The following SNX7 variants were observed in gnomAD, a reference collection of about 807,000 sequenced individuals.
SNX7 encodes the protein sorting nexin-7.
A neutral mutation model predicts 48.4 loss-of-function variants in SNX7; 35 were observed. The observed-to-expected ratio is 0.72, with a 90% CI of 0.55 to 0.96. SNX7 has a LOEUF of 0.96. SNX7 is among the 40% of genes least tolerant of loss of function. The probability of loss-of-function intolerance (pLI) is 0.00; values close to 1 mark genes in which losing one functional copy is unlikely to be tolerated. For synonymous variants in SNX7, 190 were observed against 190.2 expected, an observed-to-expected ratio of 1.00 and a Z score of 0.01; for missense variants, 553 against 548.9, an observed-to-expected ratio of 1.01 and a Z score of -0.07.
intron 4 of SNX7, 87 bp downstream of exon 4, chr1:98,691,786 A>G: frequency 8.9e-7 from 1 of 1,118,200 alleles, no homozygotes; most frequent in Non-Finnish European, 1.2e-6. Context: ...ACCGTTACAA[A>G]TCATGCAGTG....
chr1:98,752,845 A>G (rs1270956084), intron 8 of SNX7, among the ~76,000 whole-genome samples: 1 of 152,056 alleles, frequency 6.6e-6, no homozygotes, highest in Non-Finnish European at 1.5e-5. Flanking sequence ...ACTCTTTCCT[A>G]AAATGTGATC....
At chr1:98,710,553 G>T (rs1006886650) in intron 7 of SNX7, among the ~76,000 whole-genome samples, 10 of 152,118 alleles carry the variant, frequency 6.6e-5, no homozygotes, top group Non-Finnish European at 1.2e-4. Flanking sequence ...TCTACTTACG[G>T]TGTCCTTTGG....
intron 7 of SNX7, among the ~76,000 whole-genome samples, chr1:98,706,190 A>G (rs1651995486): frequency 6.6e-6 from 1 of 152,190 alleles, no homozygotes; most frequent in Non-Finnish European, 1.5e-5. Flanking sequence ...GTGGGTTAAA[A>G]AAAGAGTAAA....
intron 5 of SNX7, among the ~76,000 whole-genome samples, chr1:98,697,808 C>T (rs1224928265): frequency 6.6e-6 from 1 of 152,014 alleles, no homozygotes; most frequent in Admixed American, 6.6e-5. Flanking sequence ...GCCAAAGCAT[C>T]TATGAATCCT....
intron 6 of SNX7, among the ~76,000 whole-genome samples, 158 bp from the exon 7 acceptor site, chr1:98,701,659 C>CAA (rs5776431): frequency 2.1e-5 from 3 of 143,670 alleles, no homozygotes; most frequent in East Asian, 2.0e-4. Flanking sequence ...TAGAGAGTAA[C>CAA]AAAAAAAAAA....
chr1:98,676,918 AT>A (rs1021940907), intron 1 of SNX7, among the ~76,000 whole-genome samples: 6 of 150,002 alleles, frequency 4.0e-5, no homozygotes, highest in Admixed American at 2.0e-4. Context: ...CTCCTTTATG[AT>A]TTTTTTTTTA....
Position 98,672,180 on chromosome 1 carries a change from T to G in SNX7, c.180+10269T>G, listed in dbSNP as rs80154059. Reference sequence around the variant, plus strand: ...CTTGCTTACAATTAAGTTTTCTTTCTTGCTCGTTTATCTGTCAGCTGTGGC... The same window carrying G: ...CTTGCTTACAATTAAGTTTTCTTTCGTGCTCGTTTATCTGTCAGCTGTGGC... On this transcript the variant is annotated intron_variant, in intron 1 of 8. Transcript: ENST00000306121. 7.5e-3 allele frequency among the ~76,000 whole-genome samples: 1,141 copies of G among 152,226 alleles called. 29 individuals are homozygous for G. The highest frequency in any genetic ancestry group is 0.051 in the East Asian group (263 of 5,158).
intron 3 of SNX7, 48 bp from the exon 4 acceptor site, chr1:98,691,487 C>A: frequency 6.8e-7 from 1 of 1,467,778 alleles, no homozygotes; most frequent in Non-Finnish European, 9.1e-7. Flanking sequence ...TGCTTATAAA[C>A]CTATGGCTAA....
At chr1:98,665,362 G>A (rs778533995) in intron 1 of SNX7, among the ~76,000 whole-genome samples, 12 of 152,176 alleles carry the variant, frequency 7.9e-5, no homozygotes, top group South Asian at 2.1e-4. Flanking sequence ...AGTTCTGGAA[G>A]GTAGCGAACA....
In SNX7 at chr1:98,701,842, T is replaced by A; in HGVS notation, c.1064T>A (p.Ile355Lys). The change falls in exon 7 of 9, where the codon ATA (isoleucine) becomes AAA (lysine). Residue 355 changes from isoleucine (I) to lysine (K), a missense_variant. Ile to Lys is a moderately radical substitution (Grantham distance 102). Coordinates refer to ENST00000306121, the MANE Select transcript of SNX7 (RefSeq NM_015976.5). ...LMGVMKRRDQ[I>K]QAELDSKVEV... ...GGTGTTATGAAAAGAAGAGACCAAA[T>A]ACAAGCAGAACTGGATTCCAAAGTT... The A allele has an allele frequency of 6.2e-7, 1 of 1,611,028 alleles. No homozygotes were observed. The highest frequency in any genetic ancestry group is 8.5e-7 in the Non-Finnish European group (1 of 1,178,410).
chr1:98,716,809 A>C (rs1381125756), intron 7 of SNX7, among the ~76,000 whole-genome samples: 1 of 152,152 alleles, frequency 6.6e-6, no homozygotes, highest in East Asian at 1.9e-4. Context: ...CAAAGCAAAA[A>C]GGAATAAAAG....
At chr1:98,692,830 A>G (rs1381543647) in intron 4 of SNX7, among the ~76,000 whole-genome samples, 1 of 152,196 alleles carries the variant, frequency 6.6e-6, no homozygotes, top group East Asian at 1.9e-4. Flanking sequence ...AAGTCAAAAT[A>G]TGTGCATACG....
intron 1 of SNX7, among the ~76,000 whole-genome samples, chr1:98,680,711 A>G (rs1259817582): frequency 6.6e-6 from 1 of 152,182 alleles, no homozygotes; most frequent in Non-Finnish European, 1.5e-5. Flanking sequence ...TCTCTTTGCT[A>G]AAACATAGCA....
intron 8 of SNX7, among the ~76,000 whole-genome samples, chr1:98,756,166 G>A (rs946951717): frequency 2.0e-5 from 3 of 151,822 alleles, no homozygotes. Flanking sequence ...CCTTCAGGTA[G>A]TATTATACTT....
intron 7 of SNX7, among the ~76,000 whole-genome samples, chr1:98,715,640 A>G (rs949866576): frequency 2.0e-5 from 3 of 152,178 alleles, no homozygotes; most frequent in Non-Finnish European, 4.4e-5. Flanking sequence ...GAGTGGGACC[A>G]TCTTCAAGCT....
At chr1:98,748,206 A>T (rs1243367065) in intron 8 of SNX7, among the ~76,000 whole-genome samples, 1 of 151,880 alleles carries the variant, frequency 6.6e-6, no homozygotes, top group Non-Finnish European at 1.5e-5. Context: ...GGCTGGTCTC[A>T]AACTCCTGAC....
chr1:98,745,623 A>G (rs937164301), intron 8 of SNX7, among the ~76,000 whole-genome samples: 3 of 152,104 alleles, frequency 2.0e-5, no homozygotes, highest in African/African-American at 7.2e-5. Flanking sequence ...CAAACACACC[A>G]GCTTGAGAGG....
At chr1:98,697,878 G>C (rs1489856557) in intron 5 of SNX7, among the ~76,000 whole-genome samples, 1 of 152,114 alleles carries the variant, frequency 6.6e-6, no homozygotes, top group Non-Finnish European at 1.5e-5. Flanking sequence ...GAAGTAGTTT[G>C]TCAGGTGATA....
intron 1 of SNX7, chr1:98,662,168 AGT>A: frequency 2.9e-6 from 1 of 346,264 alleles, no homozygotes; most frequent in Non-Finnish European, 5.2e-6. Flanking sequence ...GCTGTGGCTT[AGT>A]GGAGTCTGCA....
Sources: gnomAD v4.1 joint callset for allele counts (sites outside exome capture counted in the v4.1 genomes callset) on GRCh38, gnomAD v4.1.1 for gene constraint, MANE v1.5 for transcripts, NCBI Gene and HGNC (gene_info 2026-07-23, HGNC 2026-07-21) for gene names.